LRFN5: variants seen among roughly 807,000 people sequenced by gnomAD.
LRFN5 encodes the protein leucine rich repeat and fibronectin type III domain containing 5.
LRFN5 carries 24 observed loss-of-function variants against 45.6 expected under a neutral mutation model. The observed-to-expected ratio is 0.53, with a 90% confidence interval of 0.38 to 0.74. The LOEUF (loss-of-function observed/expected upper bound fraction) is 0.74, where lower values mean the gene tolerates loss of function less well. Among genes scored for constraint, LRFN5 ranks in the 30% least tolerant of loss-of-function variants. LRFN5 has a pLI of 0.00. For synonymous variants in LRFN5, 340 were observed against 313.8 expected (o/e 1.08, Z -0.88); for missense variants, 776 against 861.5 (o/e 0.90, Z 1.24).
chr14:41,844,244 T>C (rs962187137), intron 2 of LRFN5, among the ~76,000 whole-genome samples: 35 of 152,206 alleles, frequency 2.3e-4, no homozygotes, highest in South Asian at 1.2e-3. Context: ...GAGACCATCC[T>C]GGCTAACATG....
At chr14:41,685,194 G>A (rs543799867) in intron 1 of LRFN5, among the ~76,000 whole-genome samples, 1 of 152,144 alleles carries the variant, frequency 6.6e-6, no homozygotes, top group Admixed American at 6.6e-5. Flanking sequence ...ATATGCTGTT[G>A]TTGGGAAGGT....
intron 1 of LRFN5, among the ~76,000 whole-genome samples, chr14:41,702,663 T>C (rs974179965): frequency 7.2e-5 from 11 of 151,798 alleles, no homozygotes; most frequent in Non-Finnish European, 1.0e-4. Flanking sequence ...TGGGGTTTTG[T>C]TGTGTTGCAC....
At chr14:41,827,158 G>C (rs1888327262) in intron 2 of LRFN5, among the ~76,000 whole-genome samples, 2 of 152,096 alleles carry the variant, frequency 1.3e-5, no homozygotes, top group Non-Finnish European at 2.9e-5. Flanking sequence ...AAGTGAATTA[G>C]TGTTGAGTGG....
At position 41,734,087 on chromosome 14, in the gene LRFN5, A is replaced by G. The variant is rs556003091; in HGVS notation, c.-196-32767A>G. 3.9e-4 allele frequency among the ~76,000 whole-genome samples: 53 copies of G among 136,390 alleles called. No individual in the cohort carries two copies. The East Asian group carries it at 0.011, about 28-fold the overall frequency. 89.5% of individuals were successfully genotyped at this position (136,390 alleles called of 152,430 possible). On this transcript the variant is annotated intron_variant, in intron 1 of 5. Transcript: ENST00000298119. ...ATTGCCCAGGCTGGGGTGCAATGGCATGATCTCGGCTCACTGCAACCTCTG... is the reference window on the plus strand; with the variant it reads ...ATTGCCCAGGCTGGGGTGCAATGGCGTGATCTCGGCTCACTGCAACCTCTG...
Position 41,901,654 on chromosome 14 carries a change from A to G in LRFN5, c.2143-2504A>G, listed in dbSNP as rs538978513. Among the ~76,000 whole-genome samples the G allele has an allele frequency of 3.3e-5, 5 of 152,256 alleles. No homozygotes were observed. The East Asian group carries it at 9.6e-4, about 29-fold the overall frequency. The stretch of plus-strand genomic sequence containing the variant: ...TTTTTAGATAATTAATATACAAATT[A>G]AAAGCTAATATTGATTATGAATACA... On this transcript the variant is annotated intron_variant, in intron 5 of 5. Transcript: ENST00000298119.
Position 41,731,781 on chromosome 14 carries a change from C to A in LRFN5, c.-196-35073C>A, listed in dbSNP as rs558071366. Reference sequence around the variant, plus strand: ...TCTTTATCTCCTTCAGATATTTGAGCTAAATTTACATGATAAGGAGTTAGC... The same window carrying A: ...TCTTTATCTCCTTCAGATATTTGAGATAAATTTACATGATAAGGAGTTAGC... On this transcript the variant is annotated intron_variant, in intron 1 of 5. Coordinates refer to ENST00000298119, the MANE Select transcript of LRFN5 (RefSeq NM_152447.5). 2.6e-5 allele frequency: 4 copies of A among 152,228 alleles called. 1 individual carries two copies. The highest frequency in any genetic ancestry group is 9.6e-5 in the African/African-American group (4 of 41,546). 9.4% of individuals were successfully genotyped at this position (152,228 alleles called of 1,614,324 possible). A position where few individuals can be genotyped will look rare whatever the true frequency, so the allele number is the denominator to read the frequency against.
chr14:41,760,889 C>T (rs140223536), intron 1 of LRFN5, among the ~76,000 whole-genome samples: 3 of 152,094 alleles, frequency 2.0e-5, no homozygotes, highest in East Asian at 1.9e-4. Context: ...TACACTAACA[C>T]GGAGATTTGC....
At chr14:41,843,724 A>G (rs1174074922) in intron 2 of LRFN5, among the ~76,000 whole-genome samples, 1 of 152,174 alleles carries the variant, frequency 6.6e-6, no homozygotes, top group Non-Finnish European at 1.5e-5. Context: ...GTATACATAT[A>G]TGTCAACACA....
chr14:41,877,070 A>G (rs1344871273), intron 2 of LRFN5, among the ~76,000 whole-genome samples: 1 of 152,192 alleles, frequency 6.6e-6, no homozygotes, highest in Non-Finnish European at 1.5e-5. Context: ...ACCACTAGCA[A>G]TCTAACATAC....
intron 2 of LRFN5, among the ~76,000 whole-genome samples, chr14:41,860,636 G>C (rs188043058): frequency 6.6e-6 from 1 of 152,124 alleles, no homozygotes; most frequent in Admixed American, 6.6e-5. Flanking sequence ...ACAGGAAAAA[G>C]AATGTTTTCT....
chr14:41,879,632 T>G (rs1171148766), intron 2 of LRFN5, among the ~76,000 whole-genome samples: 2 of 151,066 alleles, frequency 1.3e-5, no homozygotes, highest in East Asian at 3.9e-4. Flanking sequence ...CATATAGATC[T>G]CCACCTTGAT....
intron 1 of LRFN5, among the ~76,000 whole-genome samples, chr14:41,659,568 G>T (rs1330867340): frequency 6.6e-6 from 1 of 152,128 alleles, no homozygotes; most frequent in African/African-American, 2.4e-5. Context: ...TATATACCCA[G>T]TAATGGGATT....
intron 1 of LRFN5, chr14:41,733,439 C>T (rs1884268818): frequency 6.6e-6 from 1 of 151,912 alleles, no homozygotes; most frequent in Non-Finnish European, 1.5e-5. Context: ...TCAACCAAGA[C>T]TCCTGTATTT....
chr14:41,893,316 G>C, intron 4 of LRFN5: 2 of 957,740 alleles, frequency 2.1e-6, no homozygotes, highest in Non-Finnish European at 2.5e-6. Flanking sequence ...TTCACTCCTT[G>C]AAAAACTTAA....
At chr14:41,690,657 A>G (rs1310738226) in intron 1 of LRFN5, among the ~76,000 whole-genome samples, 1 of 152,228 alleles carries the variant, frequency 6.6e-6, no homozygotes, top group African/African-American at 2.4e-5. Flanking sequence ...AATAAAGGAC[A>G]TCTATGAAAA....
At chr14:41,869,866 G>A (rs1458400717) in intron 2 of LRFN5, among the ~76,000 whole-genome samples, 1 of 152,076 alleles carries the variant, frequency 6.6e-6, no homozygotes, top group Non-Finnish European at 1.5e-5. Context: ...GGAATTGTGG[G>A]AGCTACAATT....
chr14:41,859,750 C>T (rs1889596744), intron 2 of LRFN5, among the ~76,000 whole-genome samples: 1 of 152,154 alleles, frequency 6.6e-6, no homozygotes, highest in South Asian at 2.1e-4. Context: ...GCAGTTTTAA[C>T]ATTTCTTTTT....
intron 1 of LRFN5, among the ~76,000 whole-genome samples, chr14:41,683,770 A>G (rs554544260): frequency 1.3e-5 from 2 of 152,288 alleles, no homozygotes; most frequent in Non-Finnish European, 2.9e-5. Context: ...AATTAAAACT[A>G]TAAAACATTG....
intron 1 of LRFN5, among the ~76,000 whole-genome samples, chr14:41,644,782 A>T (rs1879735416): frequency 6.6e-6 from 1 of 152,202 alleles, no homozygotes; most frequent in African/African-American, 2.4e-5. Flanking sequence ...GATGCTGAGG[A>T]TCAGAACAGA....
Sources: allele counts gnomAD v4.1 joint callset (sites outside exome capture counted in the v4.1 genomes callset), GRCh38; gene constraint gnomAD v4.1.1; transcripts MANE v1.5; gene names NCBI Gene and HGNC (gene_info 2026-07-23, HGNC 2026-07-21).